The following TUT4 variants were observed in gnomAD, a reference collection of about 807,000 sequenced individuals.
TUT4 encodes terminal uridylyl transferase 4.
Under a neutral mutation model 192.2 loss-of-function variants are expected in TUT4, and 36 were observed. The ratio of observed to expected loss-of-function variants is 0.19; its 90% confidence interval spans 0.14 to 0.25. The LOEUF (loss-of-function observed/expected upper bound fraction) is 0.25. TUT4 is among the 10% of genes least tolerant of loss of function. The pLI, the probability that TUT4 is intolerant of heterozygous loss-of-function variation, is 1.00. For synonymous variants in TUT4, 618 were observed against 666.0 expected, an observed-to-expected ratio of 0.93 and a Z score of 1.11; for missense variants, 1,493 against 1,957.2, an observed-to-expected ratio of 0.76 and a Z score of 4.47.
At chr1:52,534,703 AC>A (rs1475736945) in intron 1 of TUT4, among the ~76,000 whole-genome samples, 2 of 151,342 alleles carry the variant, frequency 1.3e-5, no homozygotes, top group Admixed American at 1.3e-4. Flanking sequence ...AAAAAAAAAA[AC>A]AAACAAAAAT....
chr1:52,450,890 T>C (rs928670634), intron 20 of TUT4, among the ~76,000 whole-genome samples: 1 of 151,978 alleles, frequency 6.6e-6, no homozygotes, highest in African/African-American at 2.4e-5. Flanking sequence ...TTAATCATAG[T>C]ATTCCGGCAA....
At chr1:52,455,598 C>T (rs1216595988) in intron 20 of TUT4, among the ~76,000 whole-genome samples, 12 of 104,426 alleles carry the variant, frequency 1.1e-4, no homozygotes, top group South Asian at 6.8e-4. Context: ...AGGAGTGAGA[C>T]GCTACCTTTA....
intron 7 of TUT4, among the ~76,000 whole-genome samples, chr1:52,492,055 T>C (rs984853619): frequency 2.0e-5 from 3 of 152,200 alleles, no homozygotes; most frequent in Non-Finnish European, 4.4e-5. Context: ...AAAAGGCATA[T>C]ATTAAATATT....
chr1:52,482,003 C>T (rs1163855398), intron 9 of TUT4, 80 bp from the exon 10 acceptor site: 2 of 1,215,014 alleles, frequency 1.6e-6, no homozygotes, highest in East Asian at 5.7e-5. Context: ...TTTTCCTACC[C>T]TAATCATTGT....
At chr1:52,481,081 A>C (rs1218654013) in intron 11 of TUT4, among the ~76,000 whole-genome samples, 1 of 152,188 alleles carries the variant, frequency 6.6e-6, no homozygotes, top group Non-Finnish European at 1.5e-5. Context: ...CTTAGAGCAC[A>C]GGGGCTTTAT....
chr1:52,444,357 G>A (rs151047137), intron 24 of TUT4, among the ~76,000 whole-genome samples: 206 of 151,952 alleles, frequency 1.4e-3, no homozygotes, highest in African/African-American at 4.6e-3. Flanking sequence ...TACCCCATAA[G>A]AGGCTAGAAA....
Position 52,445,970 on chromosome 1 carries a change from T to G in TUT4, c.3726A>C (p.Gly1242=), listed in dbSNP as rs374119914. The G allele has an allele frequency of 1.2e-6, 2 of 1,608,024 alleles. No homozygotes were observed. The highest frequency in any genetic ancestry group is 1.1e-5 in the South Asian group (1 of 89,204). ...TTTAAAACTTACTTTTTCTGGAAACTCCAGCACCAAGGTTATGATTCAAGT... is the reference window on the plus strand; with the variant it reads ...TTTAAAACTTACTTTTTCTGGAAACGCCAGCACCAAGGTTATGATTCAAGT... ...PFDLNHNLGA[G]VSRKMTNFIM... Residue 1242 remains glycine (G), a synonymous_variant, in exon 23 of 30, where the codon GGA becomes GGC. Coordinates refer to ENST00000257177, the MANE Select transcript of TUT4 (RefSeq NM_001009881.3).
Position 52,481,569 on chromosome 1 carries a change from C to T in TUT4, c.1702G>A (p.Val568Met). ...QLKGIVEEKF[V>M]KWECNSSSAT... Reference sequence around the variant, plus strand: ...CTACTTGAATTACATTCCCACTTCACAAACTTCTCTTCTACTATGCCCTTC... The same window carrying T: ...CTACTTGAATTACATTCCCACTTCATAAACTTCTCTTCTACTATGCCCTTC... Residue 568 changes from valine to methionine, a missense_variant, in exon 11 of 30, where the codon GTG (valine) becomes ATG (methionine). Around this residue, in one of 7 missense-constraint regions of TUT4, gnomAD observed 437 missense variants for 577.6 expected, o/e 0.76. Transcript: ENST00000257177. The T allele has an allele frequency of 6.2e-7, 1 of 1,613,772 alleles. No individual in the cohort carries two copies. Among genetic ancestry groups the T allele is most frequent in the East Asian group, 2.2e-5 (1 of 44,846 alleles).
intron 1 of TUT4, among the ~76,000 whole-genome samples, chr1:52,552,568 G>A (rs527629433): frequency 5.3e-4 from 81 of 152,338 alleles, no homozygotes; most frequent in African/African-American, 1.7e-3. Context: ...GGACCCAACA[G>A]AAATGTTCAA....
At chr1:52,517,484 C>T (rs1679021121) in intron 2 of TUT4, among the ~76,000 whole-genome samples, 1 of 152,104 alleles carries the variant, frequency 6.6e-6, no homozygotes, top group African/African-American at 2.4e-5. Flanking sequence ...CTAGAGGAAC[C>T]CTGACAGTCA....
At chr1:52,550,026 G>A (rs943911617) in intron 1 of TUT4, among the ~76,000 whole-genome samples, 4 of 152,098 alleles carry the variant, frequency 2.6e-5, no homozygotes, top group Non-Finnish European at 5.9e-5. Flanking sequence ...CCTTGGGCCT[G>A]TAAGAAATAC....
chr1:52,542,960 C>T (rs1220125928), intron 1 of TUT4, among the ~76,000 whole-genome samples: 4 of 151,932 alleles, frequency 2.6e-5, no homozygotes, highest in Non-Finnish European at 5.9e-5. Flanking sequence ...TCTCCATGTT[C>T]GTCAGGCTGG....
intron 6 of TUT4, 57 bp from the exon 7 acceptor site, chr1:52,493,719 C>T (rs1359580893): frequency 1.8e-6 from 2 of 1,090,202 alleles, no homozygotes; most frequent in East Asian, 4.9e-5. Flanking sequence ...GACAGCAGAA[C>T]ATTAAGGAAA....
chr1:52,441,360 T>C (rs1655479111), intron 24 of TUT4, among the ~76,000 whole-genome samples: 1 of 148,324 alleles, frequency 6.7e-6, no homozygotes, highest in African/African-American at 2.5e-5. Flanking sequence ...CTCAGCTCAA[T>C]GCAACCTCCG....
At chr1:52,539,637 T>C (rs1158520717) in intron 1 of TUT4, among the ~76,000 whole-genome samples, 1 of 152,026 alleles carries the variant, frequency 6.6e-6, no homozygotes, top group Non-Finnish European at 1.5e-5. Context: ...ATGCCTATAA[T>C]CACAGCACTT....
intron 11 of TUT4, 32 bp downstream of exon 11, chr1:52,481,391 A>T: frequency 1.2e-6 from 2 of 1,604,450 alleles, no homozygotes; most frequent in Non-Finnish European, 1.7e-6. Flanking sequence ...CTACAGATAG[A>T]AAAGCCAAAA....
At chr1:52,550,410 A>T (rs1424645394) in intron 1 of TUT4, among the ~76,000 whole-genome samples, 1 of 151,982 alleles carries the variant, frequency 6.6e-6, no homozygotes, top group East Asian at 1.9e-4. Flanking sequence ...AAGTATTTGC[A>T]ATTTATTTGA....
intron 8 of TUT4, among the ~76,000 whole-genome samples, chr1:52,490,225 A>AC (rs1670805861): frequency 6.9e-6 from 1 of 143,906 alleles, no homozygotes; most frequent in South Asian, 2.2e-4. Flanking sequence ...ATCACGGCTC[A>AC]CTGCAGCCTC....
intron 1 of TUT4, among the ~76,000 whole-genome samples, chr1:52,532,695 C>T (rs995063300): frequency 2.0e-5 from 3 of 152,154 alleles, no homozygotes; most frequent in African/African-American, 7.2e-5. Flanking sequence ...CATAACTGTG[C>T]AACGTAAGTA....
Sources: allele counts gnomAD v4.1 joint callset (sites outside exome capture counted in the v4.1 genomes callset), GRCh38; gene constraint gnomAD v4.1.1; regional missense constraint gnomAD v4.1.1; transcripts MANE v1.5; gene names NCBI Gene and HGNC (gene_info 2026-07-23, HGNC 2026-07-21).